TRPC5: variants seen among roughly 807,000 people sequenced by gnomAD.
TRPC5 encodes the protein short transient receptor potential channel 5.
In TRPC5, 9 loss-of-function variants were observed where a neutral mutation model predicts 56.5. The ratio of observed to expected loss-of-function variants is 0.16; its 90% CI spans 0.10 to 0.28. TRPC5 has a LOEUF of 0.28. Ranked by LOEUF, TRPC5 falls within the 10% of genes least tolerant of loss-of-function variation. TRPC5 has a pLI of 1.00. For synonymous variants in TRPC5, 282 were observed against 278.5 expected (o/e 1.01, Z -0.13); for missense variants, 469 against 748.9 (o/e 0.63, Z 4.36).
intron 1 of TRPC5, among the ~76,000 whole-genome samples, chrX:111,984,363 C>T (rs1928158584): frequency 8.9e-6 from 1 of 111,813 alleles, no homozygotes; most frequent in Non-Finnish European, 1.9e-5. Flanking sequence ...AGCAGGTTTA[C>T]AGGTCACTTG....
At chrX:112,028,235 GA>G (rs1416281579) in intron 1 of TRPC5, among the ~76,000 whole-genome samples, 1 of 111,785 alleles carries the variant, frequency 8.9e-6, no homozygotes, top group African/African-American at 3.3e-5. Flanking sequence ...CTAGTTATTA[GA>G]AAAGCTGGGA....
intron 7 of TRPC5, among the ~76,000 whole-genome samples, chrX:111,792,284 A>G (rs2148556015): frequency 9.1e-6 from 1 of 110,369 alleles, no homozygotes; most frequent in East Asian, 2.9e-4. Flanking sequence ...AGAGAGGGGA[A>G]CATCACATAC....
intron 2 of TRPC5, among the ~76,000 whole-genome samples, 165 bp downstream of exon 2, chrX:111,951,878 A>G (rs1569528504): frequency 9.0e-6 from 1 of 111,645 alleles, no homozygotes; most frequent in Non-Finnish European, 1.9e-5. Context: ...AAAACTCAGC[A>G]TGGGCCACGT....
chrX:111,796,197 CTA>C (rs1921086197), intron 7 of TRPC5, among the ~76,000 whole-genome samples: 1 of 111,667 alleles, frequency 9.0e-6, no homozygotes, highest in African/African-American at 3.3e-5. Context: ...TTAATATTCT[CTA>C]TTTGTTGAAA....
intron 1 of TRPC5, among the ~76,000 whole-genome samples, chrX:111,953,626 G>A (rs1927152630): frequency 8.9e-6 from 1 of 111,944 alleles, no homozygotes. Context: ...GGCTGAGTTA[G>A]GATGGACCTA....
At chrX:112,014,518 T>G (rs987494552) in intron 1 of TRPC5, among the ~76,000 whole-genome samples, 4 of 112,504 alleles carry the variant, frequency 3.6e-5, no homozygotes, top group Non-Finnish European at 7.5e-5. Context: ...CATGTGCTCC[T>G]GTGAACTAAT....
intron 1 of TRPC5, among the ~76,000 whole-genome samples, chrX:111,987,303 A>G (rs1023198980): frequency 8.9e-6 from 1 of 111,808 alleles, no homozygotes; most frequent in Non-Finnish European, 1.9e-5. Flanking sequence ...AAGCAAATTA[A>G]CATAACAGTC....
rs1464690304 is a variant in TRPC5, at chrX:111,768,874, T to C, written c.*7439A>G. Reference sequence around the variant, plus strand: ...TGCCCACGTACACTAAGCACAGTTATCACTGATTTATTGGACTACAGGTTA... The same window carrying C: ...TGCCCACGTACACTAAGCACAGTTACCACTGATTTATTGGACTACAGGTTA... On this transcript the variant is annotated 3_prime_UTR_variant, in exon 11 of 11. Coordinates refer to ENST00000262839, the MANE Select transcript of TRPC5 (RefSeq NM_012471.3). 8.9e-6 allele frequency among the ~76,000 whole-genome samples: 1 copy of C among 111,806 alleles called. No homozygotes were observed. Among genetic ancestry groups the C allele is most frequent in the Non-Finnish European group, 1.9e-5 (1 of 53,091 alleles).
chrX:112,059,543 G>A (rs1046389119), intron 1 of TRPC5, among the ~76,000 whole-genome samples: 1 of 112,103 alleles, frequency 8.9e-6, no homozygotes, highest in Non-Finnish European at 1.9e-5. Flanking sequence ...GAGCTTCTGA[G>A]TTATATCACC....
chrX:111,946,448 G>A (rs760985155), intron 2 of TRPC5, among the ~76,000 whole-genome samples: 2 of 111,675 alleles, frequency 1.8e-5, no homozygotes, highest in East Asian at 5.7e-4. Flanking sequence ...TCAGCATTTA[G>A]TAGAGCATAG....
At chrX:111,829,535 G>A (rs946359308) in intron 7 of TRPC5, among the ~76,000 whole-genome samples, 2 of 111,791 alleles carry the variant, frequency 1.8e-5, no homozygotes, top group Non-Finnish European at 3.8e-5. Flanking sequence ...GGGAAAAATG[G>A]TTTCCTGGGC....
chrX:111,824,416 G>T (rs1397984564), intron 7 of TRPC5, among the ~76,000 whole-genome samples: 1 of 107,093 alleles, frequency 9.3e-6, no homozygotes, highest in Admixed American at 9.7e-5. Context: ...TTAATAAATG[G>T]TAGTTATTAA....
intron 1 of TRPC5, among the ~76,000 whole-genome samples, chrX:111,974,015 A>C (rs1297354449): frequency 8.9e-6 from 1 of 112,192 alleles, no homozygotes; most frequent in Non-Finnish European, 1.9e-5. Flanking sequence ...TTAATAATGC[A>C]TATTAAACTT....
At chrX:111,981,636 A>T (rs776961134) in intron 1 of TRPC5, among the ~76,000 whole-genome samples, 4 of 111,798 alleles carry the variant, frequency 3.6e-5, no homozygotes, top group Non-Finnish European at 7.5e-5. Context: ...ATTCAGCCTA[A>T]CATGATGCAA....
At chrX:111,781,860 C>T (rs2148549484) in intron 8 of TRPC5, 75 bp downstream of exon 8, 6 of 960,339 alleles carry the variant, frequency 6.2e-6, no homozygotes, top group African/African-American at 2.0e-5. Flanking sequence ...CGTGCCACTG[C>T]ACTCCAGCCT....
chrX:111,931,273 G>A (rs919868622), intron 2 of TRPC5, among the ~76,000 whole-genome samples: 1 of 112,175 alleles, frequency 8.9e-6, no homozygotes, highest in Non-Finnish European at 1.9e-5. Flanking sequence ...GTGGGAAATA[G>A]GGGATGATTT....
chrX:112,078,906 A>G (rs1930899037), intron 1 of TRPC5, among the ~76,000 whole-genome samples: 1 of 111,667 alleles, frequency 9.0e-6, no homozygotes, highest in East Asian at 2.8e-4. Context: ...AGAAAGGATG[A>G]CACTGTGGAT....
chrX:111,802,810 T>A (rs1921358657), intron 7 of TRPC5, among the ~76,000 whole-genome samples: 1 of 112,015 alleles, frequency 8.9e-6, no homozygotes, highest in Non-Finnish European at 1.9e-5. Flanking sequence ...GGTGACAAAC[T>A]CATAGCAAGC....
At chrX:111,967,319 G>A (rs1344696752) in intron 1 of TRPC5, among the ~76,000 whole-genome samples, 1 of 110,639 alleles carries the variant, frequency 9.0e-6, no homozygotes, top group Non-Finnish European at 1.9e-5. Context: ...ACTGCTCAAG[G>A]AAATAAAAGA....
Sources: allele counts gnomAD v4.1 joint callset (sites outside exome capture counted in the v4.1 genomes callset), GRCh38; gene constraint gnomAD v4.1.1; transcripts MANE v1.5; gene names NCBI Gene and HGNC (gene_info 2026-07-23, HGNC 2026-07-21).